The following PIKFYVE variants were observed in gnomAD, a reference collection of about 807,000 sequenced individuals.
PIKFYVE encodes 1-phosphatidylinositol 3-phosphate 5-kinase.
A neutral mutation model predicts 257.9 loss-of-function variants in PIKFYVE; 122 were observed. The observed-to-expected ratio is 0.47, with a 90% CI of 0.41 to 0.55. The LOEUF (loss-of-function observed/expected upper bound fraction) is 0.55, where lower values mean the gene tolerates loss of function less well. Ranked by LOEUF, PIKFYVE falls within the 20% of genes least tolerant of loss-of-function variation. The probability of loss-of-function intolerance (pLI) is 0.00; values close to 1 mark genes in which losing one functional copy is unlikely to be tolerated. For synonymous variants in PIKFYVE, 892 were observed against 868.9 expected, an observed-to-expected ratio of 1.03 and a Z score of -0.47; for missense variants, 2,160 against 2,536.6, an observed-to-expected ratio of 0.85 and a Z score of 3.19.
chr2:208,274,823 A>G (rs1486589700), intron 3 of PIKFYVE, among the ~76,000 whole-genome samples: 4 of 151,902 alleles, frequency 2.6e-5, no homozygotes, highest in Admixed American at 6.6e-5. Flanking sequence ...TCACAACAAC[A>G]CTCTTTTTGT....
Position 208,271,547 on chromosome 2 carries a change from A to G in PIKFYVE, c.28A>G (p.Thr10Ala), listed in dbSNP as rs1261201997. MATDDKTSPTLDSANDLPRS... is the reference protein window; with the variant it reads MATDDKTSPALDSANDLPRS... ...GGCCACAGATGATAAGACGTCCCCA[A>G]CACTGGACTCTGCTAATGATTTGCC... The change falls in exon 2 of 42, where the codon ACA becomes GCA. Residue 10 changes from threonine to alanine, a missense_variant. Around this residue, in one of 12 missense-constraint regions of PIKFYVE, gnomAD observed 172 missense variants for 180.6 expected, o/e 0.95. Transcript: ENST00000264380. 2.5e-6 allele frequency: 4 copies of G among 1,614,156 alleles called. No homozygotes were observed. The highest frequency in any genetic ancestry group is 3.4e-6 in the Non-Finnish European group (4 of 1,180,018).
At chr2:208,316,536 C>A (rs1328330825) in intron 15 of PIKFYVE, among the ~76,000 whole-genome samples, 2 of 152,034 alleles carry the variant, frequency 1.3e-5, no homozygotes, top group African/African-American at 2.4e-5. Context: ...TCTCCAGCAC[C>A]TGTTGTTTCC....
At chr2:208,303,129 TG>T (rs1370728926) in intron 10 of PIKFYVE, among the ~76,000 whole-genome samples, 1 of 152,080 alleles carries the variant, frequency 6.6e-6, no homozygotes, top group Non-Finnish European at 1.5e-5. Context: ...GATGAATATA[TG>T]TTTTTTTACT....
At chr2:208,299,867 A>G (rs1293866156) in intron 8 of PIKFYVE, among the ~76,000 whole-genome samples, 2 of 152,210 alleles carry the variant, frequency 1.3e-5, no homozygotes, top group East Asian at 3.8e-4. Flanking sequence ...AAGTAGAAAT[A>G]AGAGCCAGGT....
At chr2:208,322,279 A>T (rs1400916986) in intron 17 of PIKFYVE, among the ~76,000 whole-genome samples, 2 of 149,910 alleles carry the variant, frequency 1.3e-5, no homozygotes, top group African/African-American at 4.9e-5. Flanking sequence ...AGGGTGAAGC[A>T]GGAGGATTGC....
chr2:208,350,089 T>G lies in PIKFYVE; in HGVS notation c.5434+6T>G, dbSNP rs1173024231. On this transcript the variant is annotated splice_donor_region_variant and intron_variant, in intron 36 of 41. Coordinates refer to ENST00000264380, the MANE Select transcript of PIKFYVE (RefSeq NM_015040.4). Reference sequence around the variant, plus strand: ...AAATCCTCATGTGGAACTTCGTAAGTATGAGATATTATATCATTGGTTTGG... The same window carrying G: ...AAATCCTCATGTGGAACTTCGTAAGGATGAGATATTATATCATTGGTTTGG... 6.2e-7 allele frequency: 1 copy of G among 1,612,556 alleles called. No homozygotes were observed. The highest frequency in any genetic ancestry group is 1.7e-5 in the Admixed American group (1 of 59,962).
chr2:208,266,807 A>G (rs1439838646), intron 1 of PIKFYVE, among the ~76,000 whole-genome samples: 1 of 152,248 alleles, frequency 6.6e-6, no homozygotes, highest in Non-Finnish European at 1.5e-5. Context: ...TGGAAAAGAA[A>G]GTTCATGAGC....
At position 208,298,665 on chromosome 2, in the gene PIKFYVE, A is replaced by C; in HGVS notation, c.936A>C (p.Ser312=). Residue 312 remains serine, a synonymous_variant, in exon 8 of 42, where the codon TCA becomes TCC. Transcript: ENST00000264380. ...RNRSASITNL[S]LDRSGSPMVP... ...GATCAGCCAGCATTACTAACCTGTC[A>C]CTGGATAGATCTGGTTCTCCTATGG... 1 of 1,614,118 alleles carries C rather than the reference A, an allele frequency of 6.2e-7. No individual in the cohort carries two copies. Among genetic ancestry groups the C allele is most frequent in the Non-Finnish European group, 8.5e-7 (1 of 1,179,976 alleles).
chr2:208,324,652 C>T (rs376804019), intron 18 of PIKFYVE, among the ~76,000 whole-genome samples: 21 of 152,218 alleles, frequency 1.4e-4, no homozygotes, highest in African/African-American at 5.1e-4. Flanking sequence ...TTTTTCTCCC[C>T]ACATTATCTT....
intron 3 of PIKFYVE, chr2:208,273,979 C>A (rs1559386653): frequency 6.3e-7 from 1 of 1,598,128 alleles, no homozygotes; most frequent in Non-Finnish European, 8.5e-7. Flanking sequence ...GCACAGATTT[C>A]TTGACTATTT....
intron 7 of PIKFYVE, among the ~76,000 whole-genome samples, chr2:208,292,183 C>G (rs531811036): frequency 6.6e-6 from 1 of 151,972 alleles, no homozygotes; most frequent in Admixed American, 6.6e-5. Context: ...GATTTCTACT[C>G]TTAAATTTTT....
chr2:208,353,241 A>G (rs1326732823), intron 39 of PIKFYVE, among the ~76,000 whole-genome samples: 2 of 152,226 alleles, frequency 1.3e-5, no homozygotes, highest in African/African-American at 2.4e-5. Context: ...TGCTTTCTTC[A>G]TTGAGAACAC....
intron 25 of PIKFYVE, 22 bp downstream of exon 25, chr2:208,335,441 A>C (rs1015557950): frequency 5.4e-6 from 8 of 1,481,170 alleles, no homozygotes; most frequent in Non-Finnish European, 7.5e-6. Flanking sequence ...TTCTTTTATC[A>C]TCTTTTTTTG....
At chr2:208,323,418 C>T (rs543398429) in intron 17 of PIKFYVE, among the ~76,000 whole-genome samples, 20 of 150,032 alleles carry the variant, frequency 1.3e-4, no homozygotes, top group Middle Eastern at 3.4e-3. Context: ...ATTTCATCCA[C>T]GTCCCTACAA....
chr2:208,305,875 A>T (rs913173486), intron 12 of PIKFYVE, among the ~76,000 whole-genome samples: 2 of 152,156 alleles, frequency 1.3e-5, no homozygotes, highest in Admixed American at 6.6e-5. Context: ...AAGATGAAGC[A>T]CTTTATTCCA....
intron 36 of PIKFYVE, among the ~76,000 whole-genome samples, chr2:208,350,426 C>T (rs899279878): frequency 1.3e-5 from 2 of 152,004 alleles, no homozygotes; most frequent in South Asian, 2.1e-4. Context: ...ATAATATGTA[C>T]AGTACATTTT....
intron 16 of PIKFYVE, among the ~76,000 whole-genome samples, chr2:208,318,603 A>G (rs1306151477): frequency 6.6e-6 from 1 of 152,204 alleles, no homozygotes; most frequent in African/African-American, 2.4e-5. Context: ...CCTAACCCCT[A>G]GAAATTCTCA....
intron 9 of PIKFYVE, among the ~76,000 whole-genome samples, chr2:208,301,352 A>G (rs1693655686): frequency 1.3e-5 from 2 of 152,188 alleles, no homozygotes; most frequent in African/African-American, 4.8e-5. Flanking sequence ...CTAGCAAAGG[A>G]GGATTAGAGA....
rs1024050703 is a variant in PIKFYVE at position 208,305,026 on chromosome 2, C to T, written c.1636+13C>T. On this transcript the variant is annotated intron_variant, in intron 12 of 41. Transcript: ENST00000264380. ...GCTGACCAAAAAGGTAGGAGGTAGTCACCATCTGGAATCCAAACACAGGCT... is the reference window on the plus strand; with the variant it reads ...GCTGACCAAAAAGGTAGGAGGTAGTTACCATCTGGAATCCAAACACAGGCT... 4 of 1,613,990 alleles carry T rather than the reference C, an allele frequency of 2.5e-6. No homozygotes were observed. The highest frequency in any genetic ancestry group is 1.3e-5 in the African/African-American group (1 of 75,028).
Sources: gnomAD v4.1 joint callset for allele counts (sites outside exome capture counted in the v4.1 genomes callset) on GRCh38, gnomAD v4.1.1 for gene constraint, gnomAD v4.1.1 regional missense constraint, MANE v1.5 for transcripts, NCBI Gene and HGNC (gene_info 2026-07-23, HGNC 2026-07-21) for gene names.